Variants in BIN1 observed in about 807,000 individuals in gnomAD.
BIN1 encodes the protein bridging integrator 1, also known as myc box-dependent-interacting protein 1.
Under a neutral mutation model 82.0 loss-of-function variants are expected in BIN1, and 53 were observed. The ratio of observed to expected loss-of-function variants is 0.65; its 90% CI spans 0.52 to 0.81. The LOEUF is 0.81. BIN1 is among the 40% of genes least tolerant of loss of function. The pLI is 0.00. For synonymous variants in BIN1, 302 were observed against 328.0 expected, an observed-to-expected ratio of 0.92 and a Z score of 0.86; for missense variants, 642 against 784.4, an observed-to-expected ratio of 0.82 and a Z score of 2.17.
Position 127,048,524 on chromosome 2 carries a change from C to T in BIN1, c.*2G>A, listed in dbSNP as rs1257531529. 7 of 1,613,614 alleles carry T rather than the reference C, an allele frequency of 4.3e-6. No homozygotes were observed. Among genetic ancestry groups the T allele is most frequent in the Middle Eastern group, 1.6e-4 (1 of 6,074 alleles). On this transcript the variant is annotated 3_prime_UTR_variant, in exon 19 of 19. Transcript: ENST00000316724. ...CGCCCGGAGGCTGCCTGGGCCCCGC[C>T]GTCATGGGACCCTCTCAGTGAAGTT...
intron 2 of BIN1, 72 bp from the exon 3 acceptor site, chr2:127,070,888 C>T: frequency 6.8e-7 from 1 of 1,477,526 alleles, no homozygotes; most frequent in Admixed American, 1.9e-5. Context: ...TCCTTCCTGC[C>T]ACCCTCACGT....
At chr2:127,065,949 C>A (rs148416064) in intron 7 of BIN1, among the ~76,000 whole-genome samples, 1 of 152,210 alleles carries the variant, frequency 6.6e-6, no homozygotes, top group African/African-American at 2.4e-5. Flanking sequence ...CCCACCCCAG[C>A]TCCACTGAAG....
In BIN1 at chr2:127,057,678, C is replaced by A; in HGVS notation, c.1003-77G>T. 7.0e-7 allele frequency: 1 copy of A among 1,433,516 alleles called. No homozygotes were observed. The highest frequency in any genetic ancestry group is 2.6e-5 in the East Asian group (1 of 39,010). The allele number at this position is 1,433,516 out of a possible 1,614,324, so 88.8% of individuals were successfully genotyped here. A position where few individuals can be genotyped will look rare whatever the true frequency, so the allele number is the denominator to read the frequency against. On this transcript the variant is annotated intron_variant, in intron 11 of 18. Coordinates refer to ENST00000316724, the MANE Select transcript of BIN1 (RefSeq NM_139343.3). This position sits in a 1 kb window ranked among gnomAD's most constrained non-coding sequence, Gnocchi z 5.0. ...GGGGTTTGGGGGAGACAGACAGAGA[C>A]AAAGCCACGGTTAGTCACACCTCAG...
intron 1 of BIN1, among the ~76,000 whole-genome samples, chr2:127,087,510 G>A (rs1451186674): frequency 6.6e-6 from 1 of 152,240 alleles, no homozygotes; most frequent in African/African-American, 2.4e-5. Context: ...GGTGGCCTGG[G>A]GAGCCCCGAG....
chr2:127,083,865 A>T lies in BIN1; in HGVS notation c.85-7159T>A, dbSNP rs184262888. 5.3e-5 allele frequency among the ~76,000 whole-genome samples: 8 copies of T among 152,312 alleles called. No homozygotes were observed. In the East Asian group the frequency reaches 1.5e-3, roughly 29 times the overall value. On this transcript the variant is annotated intron_variant, in intron 1 of 18. Coordinates refer to ENST00000316724, the MANE Select transcript of BIN1 (RefSeq NM_139343.3). ...GTTTCCTTGTGAGGAAGTTCAGGTT[A>T]AAGGCTGCTTTGGCAAGAGTCCTGC...
intron 12 of BIN1, 169 bp from the exon 13 acceptor site, chr2:127,054,181 G>A (rs1683344812): frequency 1.5e-6 from 1 of 660,080 alleles, no homozygotes. Context: ...ACACAGCCCA[G>A]GCACCAACTC....
intron 1 of BIN1, among the ~76,000 whole-genome samples, chr2:127,106,359 C>T (rs1306035736): frequency 2.0e-5 from 3 of 152,232 alleles, no homozygotes; most frequent in Non-Finnish European, 4.4e-5. Context: ...AAGGAAGGAA[C>T]TGTGGGTGCC....
At chr2:127,050,239 G>C (rs1302790459) in intron 18 of BIN1, 182 bp downstream of exon 18, 6 of 659,982 alleles carry the variant, frequency 9.1e-6, no homozygotes, top group Admixed American at 4.4e-5. Context: ...CAAGGGAAGG[G>C]AGAGGAGAGG....
In BIN1 at chr2:127,059,451, T is replaced by G. The variant is rs1422738695; in HGVS notation, c.858-296A>C. On this transcript the variant is annotated intron_variant, in intron 10 of 18. Transcript: ENST00000316724. This position sits in a 1 kb window ranked among gnomAD's most constrained non-coding sequence, Gnocchi z 6.7. Reference sequence around the variant, plus strand: ...TGCAGGCAGGTCCCTTGGAACCATCTGTCGCAGAGACCAGACCAACCACCC... The same window carrying G: ...TGCAGGCAGGTCCCTTGGAACCATCGGTCGCAGAGACCAGACCAACCACCC... 3.3e-5 allele frequency among the ~76,000 whole-genome samples: 5 copies of G among 151,974 alleles called. No homozygotes were observed. Among genetic ancestry groups the G allele is most frequent in the African/African-American group, 7.3e-5 (3 of 41,366 alleles).
At chr2:127,052,025 T>C (rs925566767) in intron 15 of BIN1, among the ~76,000 whole-genome samples, 3 of 152,254 alleles carry the variant, frequency 2.0e-5, no homozygotes, top group Non-Finnish European at 4.4e-5. Context: ...GCTGGGAGGC[T>C]GGGCTGGGGT....
rs1372834762 is a variant in BIN1, at chr2:127,107,066, C to G, written c.-123G>C. ...CGGCTGCCGCTCCACGCCGCGCACC[C>G]GACAGCGGAGCCAACTGACGGAGGC... On this transcript the variant is annotated 5_prime_UTR_variant, in exon 1 of 19. Transcript: ENST00000316724. This position sits in a 1 kb window ranked among gnomAD's most constrained non-coding sequence, Gnocchi z 5.9. The G allele has an allele frequency of 5.0e-5, 52 of 1,044,112 alleles. No homozygotes were observed. In the East Asian group the frequency reaches 1.5e-3, roughly 31 times the overall value. The allele number at this position is 1,044,112 out of a possible 1,614,324, so 64.7% of individuals were successfully genotyped here.
chr2:127,068,813 A>G lies in BIN1; in HGVS notation c.519+111T>C, dbSNP rs1362114359. 9.3e-7 allele frequency: 1 copy of G among 1,073,858 alleles called. No homozygotes were observed. Among genetic ancestry groups the G allele is most frequent in the Non-Finnish European group, 1.4e-6 (1 of 707,616 alleles). The allele number at this position is 1,073,858 out of a possible 1,614,324, so 66.5% of individuals were successfully genotyped here. A position where few individuals can be genotyped will look rare whatever the true frequency, so the allele number is the denominator to read the frequency against. Reference sequence around the variant, plus strand: ...TGGGCCCTGTATCGTCCCCACCCCCAGTTCAGCCACCTGGGGCCAGGCAGG... The same window carrying G: ...TGGGCCCTGTATCGTCCCCACCCCCGGTTCAGCCACCTGGGGCCAGGCAGG... On this transcript the variant is annotated intron_variant, in intron 6 of 18. Transcript: ENST00000316724. This position sits in a 1 kb window ranked among gnomAD's most constrained non-coding sequence, Gnocchi z 4.9.
intron 1 of BIN1, among the ~76,000 whole-genome samples, chr2:127,095,055 T>A (rs905909592): frequency 2.6e-5 from 4 of 152,210 alleles, no homozygotes. Flanking sequence ...ACTGAGTCCT[T>A]GCAGGGAGAG....
At position 127,068,064 on chromosome 2, in the gene BIN1, C is replaced by T; in HGVS notation, c.612+99G>A. 8.7e-6 allele frequency: 11 copies of T among 1,260,124 alleles called. No homozygotes were observed. In the South Asian group the frequency reaches 1.1e-4, roughly 13 times the overall value. 78.1% of individuals were successfully genotyped at this position (1,260,124 alleles called of 1,614,324 possible). A position where few individuals can be genotyped will look rare whatever the true frequency, so the allele number is the denominator to read the frequency against. ...AGGCCTTTGAAAAACCCTGCCCCAG[C>T]TGGGCTCAGATGCCAGCCCTGCATT... On this transcript the variant is annotated intron_variant, in intron 7 of 18. Transcript: ENST00000316724. This position sits in a 1 kb window ranked among gnomAD's most constrained non-coding sequence, Gnocchi z 4.9.
intron 1 of BIN1, among the ~76,000 whole-genome samples, chr2:127,091,315 G>A (rs1171491065): frequency 6.6e-6 from 1 of 152,106 alleles, no homozygotes; most frequent in African/African-American, 2.4e-5. Context: ...TGTTCTAGGG[G>A]CTTCCCTGCC....
At chr2:127,103,193 A>G (rs542774976) in intron 1 of BIN1, among the ~76,000 whole-genome samples, 2 of 152,256 alleles carry the variant, frequency 1.3e-5, no homozygotes, top group East Asian at 3.9e-4. Context: ...TTTCTATTAC[A>G]GGGACCATGC....
At chr2:127,076,034 C>T (rs998264246) in intron 2 of BIN1, among the ~76,000 whole-genome samples, 1 of 150,672 alleles carries the variant, frequency 6.6e-6, no homozygotes, top group African/African-American at 2.4e-5. Context: ...CAGCTACTCC[C>T]GGCCCTCGCA....
At chr2:127,055,482 C>T (rs991252366) in intron 12 of BIN1, 1 of 131,080 alleles carries the variant, frequency 7.6e-6, no homozygotes, top group South Asian at 2.9e-4. Flanking sequence ...GTCTGGGGAA[C>T]CCAGGGCAGG....
Position 127,070,571 on chromosome 2 carries a change from C to T in BIN1, c.297G>A (p.Glu99=), listed in dbSNP as rs200177161. 6 of 1,614,146 alleles carry T rather than the reference C, an allele frequency of 3.7e-6. No homozygotes were observed. Among genetic ancestry groups the T allele is most frequent in the Non-Finnish European group, 5.1e-6 (6 of 1,180,024 alleles). The change falls in exon 4 of 19, where the codon GAG becomes GAA. Residue 99 remains glutamate (E), a synonymous_variant. Transcript: ENST00000316724. Reference sequence around the variant, plus strand: ...TGCTCACCTCTGCGATCTTGTTTGCCTCATCCCTGCCGGGCCAATCGGGCT... The same window carrying T: ...TGCTCACCTCTGCGATCTTGTTTGCTTCATCCCTGCCGGGCCAATCGGGCT... The part of the protein sequence containing the change: ...VYEPDWPGRD[E]ANKIAENNDL...
Sources: allele counts gnomAD v4.1 joint callset (sites outside exome capture counted in the v4.1 genomes callset), GRCh38; gene constraint gnomAD v4.1.1; non-coding constraint Gnocchi (gnomAD v3.1); transcripts MANE v1.5; gene names NCBI Gene and HGNC (gene_info 2026-07-23, HGNC 2026-07-21).